DHCR24: variants seen among roughly 807,000 people sequenced by gnomAD.
The protein encoded by DHCR24 is delta(24)-sterol reductase.
In DHCR24, 28 loss-of-function variants were observed where a neutral mutation model predicts 61.2. The observed-to-expected ratio is 0.46, with a 90% CI of 0.34 to 0.63. DHCR24 has a LOEUF of 0.63. Among genes scored for constraint, DHCR24 ranks in the 20% least tolerant of loss-of-function variants. The pLI is 0.01. For synonymous variants in DHCR24, 261 were observed against 275.9 expected (o/e 0.95, Z 0.54); for missense variants, 538 against 679.1 (o/e 0.79, Z 2.31).
intron 1 of DHCR24, among the ~76,000 whole-genome samples, chr1:54,884,187 C>T (rs1647080076): frequency 6.6e-6 from 1 of 152,206 alleles, no homozygotes; most frequent in South Asian, 2.1e-4. Flanking sequence ...TACGATGACA[C>T]CCTTTTTTCG....
In DHCR24 at chr1:54,871,440, C is replaced by T; in HGVS notation, c.786G>A (p.Gln262=). The part of the protein sequence containing the change: ...CAKFTHESQR[Q]ENHFVEGLLY... Reference sequence around the variant, plus strand: ...GCAGCCCTTCCACGAAGTGGTTCTCCTGCCGCTGGGACTCGTGGGTGAACT... The same window carrying T: ...GCAGCCCTTCCACGAAGTGGTTCTCTTGCCGCTGGGACTCGTGGGTGAACT... The change falls in exon 5 of 9, where the codon CAG becomes CAA. Residue 262 remains glutamine (Q), a synonymous_variant. Transcript: ENST00000371269. 1 of 1,614,228 alleles carries T rather than the reference C, an allele frequency of 6.2e-7. No homozygotes were observed. The highest frequency in any genetic ancestry group is 8.5e-7 in the Non-Finnish European group (1 of 1,180,040).
At chr1:54,857,449 T>C (rs1453469430) in intron 6 of DHCR24, among the ~76,000 whole-genome samples, 1 of 152,230 alleles carries the variant, frequency 6.6e-6, no homozygotes, top group African/African-American at 2.4e-5. Flanking sequence ...TATACTAAAA[T>C]GATGACATAA....
At chr1:54,875,457 C>T (rs1460935647) in intron 3 of DHCR24, among the ~76,000 whole-genome samples, 3 of 152,088 alleles carry the variant, frequency 2.0e-5, no homozygotes, top group Admixed American at 6.5e-5. Flanking sequence ...CAAGTGTACT[C>T]ACACCTCACC....
chr1:54,857,336 C>T (rs1272062093), intron 6 of DHCR24, among the ~76,000 whole-genome samples: 3 of 152,232 alleles, frequency 2.0e-5, no homozygotes, highest in South Asian at 4.1e-4. Flanking sequence ...AGCCAGGAAC[C>T]CCAGCCCCAG....
chr1:54,869,793 T>A (rs1293957014), intron 5 of DHCR24, among the ~76,000 whole-genome samples: 1 of 152,128 alleles, frequency 6.6e-6, no homozygotes, highest in East Asian at 1.9e-4. Context: ...GGCTCGCACC[T>A]GTAATCCCAG....
chr1:54,882,156 G>C (rs1570203390), intron 2 of DHCR24, among the ~76,000 whole-genome samples: 1 of 150,444 alleles, frequency 6.6e-6, no homozygotes. Flanking sequence ...GATGTTTCCA[G>C]AATATATAAG....
intron 6 of DHCR24, among the ~76,000 whole-genome samples, chr1:54,861,632 C>A (rs1406588094): frequency 6.6e-6 from 1 of 152,140 alleles, no homozygotes; most frequent in Non-Finnish European, 1.5e-5. Context: ...CTCTTGCCTA[C>A]ACATCACACT....
At chr1:54,856,205 G>A (rs1305506050) in intron 6 of DHCR24, among the ~76,000 whole-genome samples, 4 of 152,152 alleles carry the variant, frequency 2.6e-5, no homozygotes, top group Non-Finnish European at 5.9e-5. Context: ...TTTACAAATT[G>A]TCCATGGCTG....
chr1:54,855,050 C>T (rs1283528610), intron 6 of DHCR24, among the ~76,000 whole-genome samples: 3 of 152,068 alleles, frequency 2.0e-5, no homozygotes, highest in East Asian at 1.9e-4. Flanking sequence ...CACTGATGCC[C>T]GATTCTCACA....
chr1:54,879,109 C>A (rs1054916588), intron 2 of DHCR24, among the ~76,000 whole-genome samples: 18 of 152,124 alleles, frequency 1.2e-4, no homozygotes, highest in African/African-American at 3.4e-4. Context: ...CACCTGAGAT[C>A]AGGAGTTGAA....
rs387906938 is a variant in DHCR24, at chr1:54,883,698, G to A, written c.307C>T (p.Arg103Cys). ...GRPGWLTVSL[R>C]VGKYKKTHKN... is the part of the protein sequence containing the mutation. Reference sequence around the variant, plus strand: ...TGTGTCTTCTTGTACTTCCCGACACGTAGTGAGACAGTGAGCCAGCCAGGG... The same window carrying A: ...TGTGTCTTCTTGTACTTCCCGACACATAGTGAGACAGTGAGCCAGCCAGGG... Residue 103 changes from arginine to cysteine, a missense_variant, in exon 2 of 9, where the codon CGT (arginine) becomes TGT (cysteine). Transcript: ENST00000371269. The surrounding 1 kb of genome is among the most constrained non-coding windows in gnomAD (Gnocchi z 4.3). 5.0e-6 allele frequency: 8 copies of A among 1,614,240 alleles called. No homozygotes were observed. The highest frequency in any genetic ancestry group is 4.5e-5 in the East Asian group (2 of 44,894).
chr1:54,886,614 T>A, intron 1 of DHCR24: 1 of 1,460,914 alleles, frequency 6.8e-7, no homozygotes, highest in Non-Finnish European at 9.1e-7. Context: ...CGGGTGAGAG[T>A]TACCTGAGTG....
intron 6 of DHCR24, among the ~76,000 whole-genome samples, chr1:54,861,991 T>C (rs1646940879): frequency 6.6e-6 from 1 of 152,168 alleles, no homozygotes; most frequent in Non-Finnish European, 1.5e-5. Context: ...TAGTAGCAAC[T>C]GTAGCCATTA....
At chr1:54,865,476 C>T (rs1646963441) in intron 5 of DHCR24, 30 bp from the exon 6 acceptor site, 1 of 1,613,396 alleles carries the variant, frequency 6.2e-7, no homozygotes, top group Admixed American at 1.7e-5. Context: ...TGTGATCAGC[C>T]TGCAGACAAG....
chr1:54,879,326 A>G (rs1217496290), intron 2 of DHCR24, among the ~76,000 whole-genome samples: 4 of 6,714 alleles, frequency 6.0e-4, no homozygotes, highest in East Asian at 0.016. Flanking sequence ...CCATCTGAAA[A>G]AAAAAAAAAA....
At chr1:54,866,757 C>T (rs1019791345) in intron 5 of DHCR24, among the ~76,000 whole-genome samples, 6 of 152,142 alleles carry the variant, frequency 3.9e-5, no homozygotes, top group Non-Finnish European at 7.4e-5. Flanking sequence ...GCAGGCCCAC[C>T]CTGCTGGTAA....
At chr1:54,865,708 C>A (rs559519723) in intron 5 of DHCR24, among the ~76,000 whole-genome samples, 45 of 152,274 alleles carry the variant, frequency 3.0e-4, no homozygotes, top group Non-Finnish European at 5.4e-4. Flanking sequence ...GAGAACTCAG[C>A]GACCCCGCCT....
chr1:54,887,069 C>G lies in DHCR24; in HGVS notation c.51G>C (p.Trp17Cys). Reference protein sequence around the residue: ...LAVCALLFLLWVRLKGLEFVL... With the variant: ...LAVCALLFLLCVRLKGLEFVL... ...CGAACTCCAGCCCCTTCAGGCGCAC[C>G]CACAGCAGGAAGAGCAGCGCGCACA... The change falls in exon 1 of 9, where the codon TGG becomes TGC. Residue 17 changes from tryptophan to cysteine, a missense_variant. Trp to Cys is a radical substitution (Grantham distance 215). Transcript: ENST00000371269. The G allele has an allele frequency of 6.2e-7, 1 of 1,610,368 alleles. No individual in the cohort carries two copies. The highest frequency in any genetic ancestry group is 8.5e-7 in the Non-Finnish European group (1 of 1,178,506).
chr1:54,862,008 C>G (rs1205812099), intron 6 of DHCR24, among the ~76,000 whole-genome samples: 5 of 152,180 alleles, frequency 3.3e-5, no homozygotes, highest in African/African-American at 1.2e-4. Flanking sequence ...ATTAGTACTG[C>G]TTCCCTCCTG....
Sources: allele counts gnomAD v4.1 joint callset (sites outside exome capture counted in the v4.1 genomes callset), GRCh38; gene constraint gnomAD v4.1.1; non-coding constraint Gnocchi (gnomAD v3.1); transcripts MANE v1.5; gene names NCBI Gene and HGNC (gene_info 2026-07-23, HGNC 2026-07-21).